ZNF385B: variants seen among roughly 807,000 people sequenced by gnomAD.
The protein encoded by ZNF385B is zinc finger protein 533.
ZNF385B carries 23 observed loss-of-function variants against 39.2 expected under a neutral mutation model. The observed-to-expected ratio is 0.59, with a 90% CI of 0.42 to 0.83. The LOEUF (loss-of-function observed/expected upper bound fraction) is 0.83, where lower values mean the gene tolerates loss of function less well. ZNF385B is among the 40% of genes least tolerant of loss of function. The pLI, the probability that ZNF385B is intolerant of heterozygous loss-of-function variation, is 0.00. For missense variants in ZNF385B, 552 were observed against 598.9 expected, an observed-to-expected ratio of 0.92 and a Z score of 0.82; for synonymous variants, 205 against 222.6, an observed-to-expected ratio of 0.92 and a Z score of 0.70.
intron 3 of ZNF385B, among the ~76,000 whole-genome samples, chr2:179,754,151 G>A (rs574428889): frequency 9.2e-5 from 14 of 152,260 alleles, no homozygotes; most frequent in African/African-American, 2.6e-4. Context: ...AAGGGCTGTC[G>A]AATTTTGTCA....
chr2:179,829,699 G>A (rs1382868474), intron 1 of ZNF385B, among the ~76,000 whole-genome samples: 1 of 152,160 alleles, frequency 6.6e-6, no homozygotes, highest in Non-Finnish European at 1.5e-5. Context: ...ATTTTTAGTA[G>A]AGACGGGGTT....
chr2:179,825,743 G>A (rs1403439682), intron 1 of ZNF385B, among the ~76,000 whole-genome samples: 1 of 152,154 alleles, frequency 6.6e-6, no homozygotes, highest in Non-Finnish European at 1.5e-5. Context: ...TTACAGTGTT[G>A]TCAAGTCTTG....
At chr2:179,849,434 T>C (rs1185926272) in intron 1 of ZNF385B, among the ~76,000 whole-genome samples, 1 of 152,214 alleles carries the variant, frequency 6.6e-6, no homozygotes, top group African/African-American at 2.4e-5. Context: ...GCAACACATC[T>C]ATTTGGGGAG....
At chr2:179,583,507 A>G (rs929910415) in intron 3 of ZNF385B, among the ~76,000 whole-genome samples, 1 of 152,214 alleles carries the variant, frequency 6.6e-6, no homozygotes, top group Non-Finnish European at 1.5e-5. Flanking sequence ...TTAGTTGAGA[A>G]TACTGAAGAT....
rs116852005 is a variant in ZNF385B at position 179,579,315 on chromosome 2, C to T, written c.299-34346G>A. Among the ~76,000 whole-genome samples the T allele has an allele frequency of 3.4e-4, 51 of 152,032 alleles. No homozygotes were observed. The East Asian group carries it at 8.3e-3, about 25-fold the overall frequency. On this transcript the variant is annotated intron_variant, in intron 3 of 9. Coordinates refer to ENST00000410066, the MANE Select transcript of ZNF385B (RefSeq NM_152520.6). Reference sequence around the variant, plus strand: ...ATTAGCATATACTGAGTGTTACTGGCTTACTGGTGTGAGATAAAAACTAAG... The same window carrying T: ...ATTAGCATATACTGAGTGTTACTGGTTTACTGGTGTGAGATAAAAACTAAG...
At chr2:179,705,403 T>C (rs2106372581) in intron 3 of ZNF385B, among the ~76,000 whole-genome samples, 1 of 152,360 alleles carries the variant, frequency 6.6e-6, no homozygotes, top group Non-Finnish European at 1.5e-5. Context: ...GACTTTGGTG[T>C]TGGGTTCACC....
chr2:179,765,888 T>C (rs1407535106), intron 3 of ZNF385B, among the ~76,000 whole-genome samples: 1 of 152,144 alleles, frequency 6.6e-6, no homozygotes, highest in Non-Finnish European at 1.5e-5. Flanking sequence ...CAAACTAAGT[T>C]ACCTCAGCTC....
intron 3 of ZNF385B, among the ~76,000 whole-genome samples, chr2:179,672,888 A>G (rs1169515485): frequency 6.6e-6 from 1 of 152,196 alleles, no homozygotes; most frequent in Admixed American, 6.5e-5. Flanking sequence ...AGCTGAGGGC[A>G]TTCCAATGTG....
intron 3 of ZNF385B, among the ~76,000 whole-genome samples, chr2:179,627,534 T>A (rs1690771210): frequency 6.6e-6 from 1 of 152,202 alleles, no homozygotes; most frequent in Non-Finnish European, 1.5e-5. Context: ...ATCCATAATG[T>A]GATTCCAGAA....
intron 8 of ZNF385B, 103 bp from the exon 9 acceptor site, chr2:179,445,080 A>C: frequency 1.1e-6 from 1 of 948,448 alleles, no homozygotes; most frequent in Non-Finnish European, 1.7e-6. Context: ...CTAGGTCCAT[A>C]GTTCCACGAT....
At chr2:179,856,594 G>A (rs1479624329) in intron 1 of ZNF385B, among the ~76,000 whole-genome samples, 1 of 132,200 alleles carries the variant, frequency 7.6e-6, no homozygotes, top group African/African-American at 2.9e-5. Flanking sequence ...GGCACCTGAA[G>A]AGAATTTTAA....
At chr2:179,547,652 T>A (rs904440857) in intron 3 of ZNF385B, among the ~76,000 whole-genome samples, 5 of 149,732 alleles carry the variant, frequency 3.3e-5, no homozygotes, top group Admixed American at 2.0e-4. Flanking sequence ...GGTAATGTGA[T>A]TCCTCCAGTT....
chr2:179,511,467 A>C lies in ZNF385B; in HGVS notation c.552+7061T>G, dbSNP rs372027330. 5.3e-5 allele frequency among the ~76,000 whole-genome samples: 8 copies of C among 152,220 alleles called. No individual in the cohort carries two copies. In the East Asian group the frequency reaches 9.6e-4, roughly 18 times the overall value. On this transcript the variant is annotated intron_variant, in intron 5 of 9. Transcript: ENST00000410066. ...TATAGGCAGAAAGACCGAGGAGGGC[A>C]TAACCTAAATTGCCTTATCCAAATG... is the stretch of plus-strand genomic sequence containing the variant.
chr2:179,817,457 A>G (rs1707135789), intron 1 of ZNF385B, among the ~76,000 whole-genome samples: 1 of 152,248 alleles, frequency 6.6e-6, no homozygotes, highest in Non-Finnish European at 1.5e-5. Flanking sequence ...ACATGCAAAT[A>G]ATAAAAGTGA....
chr2:179,525,044 C>G (rs1470277328), intron 4 of ZNF385B, among the ~76,000 whole-genome samples: 1 of 151,916 alleles, frequency 6.6e-6, no homozygotes, highest in African/African-American at 2.4e-5. Flanking sequence ...CTTTAACAAA[C>G]GAGGAATCAA....
At chr2:179,472,978 C>G (rs887700717) in intron 6 of ZNF385B, among the ~76,000 whole-genome samples, 1 of 152,198 alleles carries the variant, frequency 6.6e-6, no homozygotes, top group African/African-American at 2.4e-5. Flanking sequence ...TCTTCTTCCT[C>G]TGTCCATATT....
intron 3 of ZNF385B, among the ~76,000 whole-genome samples, chr2:179,694,636 A>G (rs1255636279): frequency 6.6e-6 from 1 of 152,212 alleles, no homozygotes; most frequent in Non-Finnish European, 1.5e-5. Flanking sequence ...GGCTTTTGAA[A>G]GAAGACATCT....
intron 3 of ZNF385B, among the ~76,000 whole-genome samples, chr2:179,581,327 T>C (rs1278801661): frequency 6.6e-6 from 1 of 152,214 alleles, no homozygotes; most frequent in Admixed American, 6.5e-5. Flanking sequence ...AGTTGTTACA[T>C]ATAAAAACAA....
At chr2:179,776,055 G>A (rs919118107) in intron 1 of ZNF385B, among the ~76,000 whole-genome samples, 1 of 152,198 alleles carries the variant, frequency 6.6e-6, no homozygotes, top group African/African-American at 2.4e-5. Context: ...GAACAGCCTG[G>A]AACTGTTGAA....
Sources: allele counts gnomAD v4.1 joint callset (sites outside exome capture counted in the v4.1 genomes callset), GRCh38; gene constraint gnomAD v4.1.1; transcripts MANE v1.5; gene names NCBI Gene and HGNC (gene_info 2026-07-23, HGNC 2026-07-21).